TRMT2B: variants seen among roughly 807,000 people sequenced by gnomAD.
The protein encoded by TRMT2B is tRNA (uracil-5-)-methyltransferase homolog B.
Under a neutral mutation model 39.7 loss-of-function variants are expected in TRMT2B, and 34 were observed. The observed-to-expected ratio is 0.86, with a 90% CI of 0.65 to 1.14. The LOEUF is 1.14. Among genes scored for constraint, TRMT2B ranks in the 50% most tolerant of loss-of-function variants. The pLI, the probability that TRMT2B is intolerant of heterozygous loss-of-function variation, is 0.00. For synonymous variants in TRMT2B, 132 were observed against 137.3 expected, an observed-to-expected ratio of 0.96 and a Z score of 0.27; for missense variants, 318 against 377.2, an observed-to-expected ratio of 0.84 and a Z score of 1.30.
At chrX:101,004,647 G>A (rs187729806), downstream of TRMT2B, among the ~76,000 whole-genome samples, 6 of 110,549 alleles carry the variant, frequency 5.4e-5, no homozygotes, top group East Asian at 1.1e-3. Flanking sequence ...GATCATAGGC[G>A]TGCACCACCA....
In TRMT2B at chrX:101,023,620, G is replaced by A; in HGVS notation, c.610-4C>T. The A allele has an allele frequency of 8.4e-7, 1 of 1,189,086 alleles. No homozygotes were observed. Among genetic ancestry groups the A allele is most frequent in the South Asian group, 1.8e-5 (1 of 54,834 alleles). On this transcript the variant is annotated splice_polypyrimidine_tract_variant and splice_region_variant and intron_variant, in intron 7 of 13. Transcript: ENST00000372936. ...GTCGAAGGAATACTTCATAGTACTA[G>A]GAAGAGAACCGAATTATTACACAAG...
At chrX:101,005,880 CAAAAAAAAAA>C (rs370275736), downstream of TRMT2B, among the ~76,000 whole-genome samples, 3 of 64,268 alleles carry the variant, frequency 4.7e-5, no homozygotes, top group Admixed American at 7.4e-4. Context: ...GATTCCCACT[CAAAAAAAAAA>C]AAAAAAAAAA....
the TRMT2B span, among the ~76,000 whole-genome samples, chrX:100,991,512 G>A: frequency 9.0e-6 from 1 of 110,571 alleles, no homozygotes; most frequent in African/African-American, 3.3e-5. Flanking sequence ...CCAAGTAGCT[G>A]GGACTACTGG....
chrX:101,003,348 C>CTT, the TRMT2B span, among the ~76,000 whole-genome samples: 1 of 97,757 alleles, frequency 1.0e-5, no homozygotes, highest in Non-Finnish European at 2.0e-5. Context: ...CATCCGATAG[C>CTT]TTTTTTTTTT....
At chrX:100,986,842 A>G in the TRMT2B span, 3 of 1,207,108 alleles carry the variant, frequency 2.5e-6, no homozygotes, top group Non-Finnish European at 3.4e-6. Flanking sequence ...GCCTTGTGAT[A>G]TTATTGACTA....
intron 2 of TRMT2B, among the ~76,000 whole-genome samples, chrX:101,050,355 G>A (rs1212895649): frequency 8.9e-6 from 1 of 112,387 alleles, no homozygotes; most frequent in Admixed American, 9.5e-5. Flanking sequence ...GGTGAGTTCT[G>A]TTTCTTTCTT....
the TRMT2B span, among the ~76,000 whole-genome samples, chrX:101,001,959 G>GT: frequency 9.0e-6 from 1 of 110,926 alleles, no homozygotes; most frequent in Non-Finnish European, 1.9e-5. Context: ...AAGACATGGT[G>GT]TTTTTTTGTT....
In TRMT2B at chrX:101,021,113, A is replaced by G. The variant is rs773295316; in HGVS notation, c.1054T>C (p.Cys352Arg). The change falls in exon 10 of 14, where the codon TGC (cysteine) becomes CGC (arginine). Residue 352 changes from cysteine (C) to arginine (R), a missense_variant. By Grantham distance (180) the Cys-to-Arg change is radical (BLOSUM62 -3). Transcript: ENST00000372936. Reference protein sequence around the residue: ...VNSDTILLDICCGTGVIGLSL... With the variant: ...VNSDTILLDIRCGTGVIGLSL... ...GGCTTCCACTTGCCAGTTCCACAGC[A>G]GATGTCAAGAAGGATGGTGTCAGAG... 5 of 1,208,829 alleles carry G rather than the reference A, an allele frequency of 4.1e-6. No homozygotes were observed. In the Admixed American group the frequency reaches 1.1e-4, roughly 27 times the overall value.
At chrX:101,050,243 T>G (rs1176726246) in intron 2 of TRMT2B, among the ~76,000 whole-genome samples, 5 of 111,698 alleles carry the variant, frequency 4.5e-5, no homozygotes, top group African/African-American at 1.3e-4. Context: ...CCTTATTATT[T>G]CAAGGTGCCA....
chrX:101,003,771 G>T, the TRMT2B span, among the ~76,000 whole-genome samples: 2 of 112,036 alleles, frequency 1.8e-5, no homozygotes, highest in Non-Finnish European at 3.8e-5. Context: ...CCTCCTAATG[G>T]GATGCAACAT....
chrX:100,990,846 A>G, the TRMT2B span: 2 of 298,365 alleles, frequency 6.7e-6, no homozygotes, highest in Non-Finnish European at 1.2e-5. Context: ...GCTCTACTGA[A>G]TCATTTTCAG....
chrX:101,034,204 C>T (rs1382981788), intron 7 of TRMT2B, among the ~76,000 whole-genome samples: 1 of 94,197 alleles, frequency 1.1e-5, no homozygotes, highest in East Asian at 3.4e-4. Context: ...TGCAATGGTG[C>T]GATCTCAGTT....
chrX:100,999,931 C>G, the TRMT2B span, among the ~76,000 whole-genome samples: 1 of 111,291 alleles, frequency 9.0e-6, no homozygotes, highest in Non-Finnish European at 1.9e-5. Flanking sequence ...AGGCTGGAAA[C>G]CACCATAGTA....
chrX:101,010,937 G>C (rs963305509), intron 13 of TRMT2B, among the ~76,000 whole-genome samples: 10 of 111,670 alleles, frequency 9.0e-5, no homozygotes, highest in Non-Finnish European at 1.7e-4. Flanking sequence ...ATTCATCTCT[G>C]GGTTCCCAGT....
chrX:101,019,130 A>G (rs1371210690), intron 12 of TRMT2B, 60 bp from the exon 13 acceptor site: 7 of 1,102,976 alleles, frequency 6.3e-6, no homozygotes, highest in Non-Finnish European at 8.8e-6. Context: ...TGTTATCACA[A>G]ACTTCCAACT....
intron 7 of TRMT2B, among the ~76,000 whole-genome samples, chrX:101,026,500 T>C (rs1415245157): frequency 9.7e-6 from 1 of 103,319 alleles, no homozygotes; most frequent in African/African-American, 3.6e-5. Context: ...AAAAGTCATA[T>C]AGGTTCTGGA....
intron 2 of TRMT2B, among the ~76,000 whole-genome samples, chrX:101,045,974 C>T (rs1356625302): frequency 4.7e-5 from 5 of 107,055 alleles, no homozygotes; most frequent in African/African-American, 1.7e-4. Flanking sequence ...GGTGAAACCC[C>T]GCCTCTACTA....
intron 11 of TRMT2B, 133 bp from the exon 12 acceptor site, chrX:101,019,536 A>G: frequency 1.2e-6 from 1 of 821,106 alleles, no homozygotes; most frequent in Non-Finnish European, 1.7e-6. Flanking sequence ...AGTAACAAGG[A>G]AAGAAGTGCT....
chrX:101,023,747 C>A (rs1425656247), intron 7 of TRMT2B, 131 bp from the exon 8 acceptor site: 2 of 574,459 alleles, frequency 3.5e-6, no homozygotes, highest in Non-Finnish European at 5.3e-6. Flanking sequence ...ACCACCAGTA[C>A]TCAAAATGTG....
Sources: gnomAD v4.1 joint callset for allele counts (sites outside exome capture counted in the v4.1 genomes callset) on GRCh38, gnomAD v4.1.1 for gene constraint, MANE v1.5 for transcripts, NCBI Gene and HGNC (gene_info 2026-07-23, HGNC 2026-07-21) for gene names.